ARL15: variants seen among roughly 807,000 people sequenced by gnomAD.
The protein encoded by ARL15 is ADP-ribosylation factor-like protein 15.
Under a neutral mutation model 25.2 loss-of-function variants are expected in ARL15, and 19 were observed. The observed-to-expected ratio is 0.75, with a 90% CI of 0.53 to 1.10. ARL15 has a LOEUF of 1.10. Among genes scored for constraint, ARL15 ranks in the 50% least tolerant of loss-of-function variants. ARL15 has a pLI of 0.00. For missense variants in ARL15, 220 were observed against 246.0 expected, an observed-to-expected ratio of 0.89 and a Z score of 0.71; for synonymous variants, 94 against 86.8, an observed-to-expected ratio of 1.08 and a Z score of -0.46.
intron 4 of ARL15, among the ~76,000 whole-genome samples, chr5:54,021,671 T>A (rs1436809716): frequency 2.0e-5 from 3 of 152,128 alleles, no homozygotes; most frequent in Non-Finnish European, 4.4e-5. Context: ...CACTGAAGTT[T>A]CAGAGGGAAA....
At chr5:54,287,287 A>C (rs1272449952) in intron 1 of ARL15, among the ~76,000 whole-genome samples, 1 of 152,020 alleles carries the variant, frequency 6.6e-6, no homozygotes. Context: ...AGAAAGCGGT[A>C]ATTAAACATA....
intron 4 of ARL15, among the ~76,000 whole-genome samples, chr5:53,983,157 A>G (rs113088001): frequency 0.03 from 4,571 of 152,284 alleles, 91 homozygotes; most frequent in Non-Finnish European, 0.048. Context: ...AACAGCGGTC[A>G]GTTTTTGTTA....
chr5:54,008,755 G>A (rs1035637147), intron 4 of ARL15, among the ~76,000 whole-genome samples: 2 of 152,150 alleles, frequency 1.3e-5, no homozygotes, highest in African/African-American at 4.8e-5. Context: ...CAAAATGTTT[G>A]TAAACTGCTC....
At chr5:54,000,494 G>C (rs1007154187) in intron 4 of ARL15, among the ~76,000 whole-genome samples, 3 of 152,152 alleles carry the variant, frequency 2.0e-5, no homozygotes, top group Admixed American at 6.5e-5. Context: ...AGGAGAGAAT[G>C]ATGTAACAAC....
chr5:53,962,172 T>G (rs1244041768), intron 4 of ARL15, among the ~76,000 whole-genome samples: 1 of 152,166 alleles, frequency 6.6e-6, no homozygotes, highest in Non-Finnish European at 1.5e-5. Flanking sequence ...TTCCCTAACA[T>G]CCTTGGACAA....
At chr5:53,917,984 G>T (rs1356606052) in intron 4 of ARL15, among the ~76,000 whole-genome samples, 6 of 152,056 alleles carry the variant, frequency 3.9e-5, no homozygotes, top group African/African-American at 1.4e-4. Flanking sequence ...GCTCAAAGAG[G>T]CTCTGAATTT....
At position 54,092,615 on chromosome 5, in the gene ARL15, T is replaced by A. The variant is rs142203855; in HGVS notation, c.462+20587A>T. 4.2e-3 allele frequency among the ~76,000 whole-genome samples: 644 copies of A among 152,292 alleles called. 4 individuals carry two copies. Among genetic ancestry groups the A allele is most frequent in the African/African-American group, 0.014 (597 of 41,558 alleles). On this transcript the variant is annotated intron_variant, in intron 4 of 4. Coordinates refer to ENST00000504924, the MANE Select transcript of ARL15 (RefSeq NM_019087.3). ...GATATAGGGGCTATTAACCTTTTAA[T>A]CTTTGCATTATTCCTTAAAGCGTTT...
intron 4 of ARL15, among the ~76,000 whole-genome samples, chr5:53,918,645 G>A (rs1401325638): frequency 6.6e-6 from 1 of 152,032 alleles, no homozygotes; most frequent in Non-Finnish European, 1.5e-5. Context: ...ATTATCCAAG[G>A]TTGACAGTCT....
intron 4 of ARL15, among the ~76,000 whole-genome samples, chr5:53,992,573 G>A (rs1277798864): frequency 1.3e-5 from 2 of 152,172 alleles, no homozygotes; most frequent in African/African-American, 4.8e-5. Flanking sequence ...TATCTGGCAT[G>A]TGATTCCATT....
intron 1 of ARL15, among the ~76,000 whole-genome samples, chr5:54,205,021 A>G (rs983450442): frequency 7.1e-6 from 1 of 140,480 alleles, no homozygotes; most frequent in Non-Finnish European, 1.5e-5. Context: ...TGCAACCTCC[A>G]CCTCCTGGGT....
At chr5:54,075,702 G>T (rs156383) in intron 4 of ARL15, 76,291 of 151,994 alleles carry the variant, frequency 0.5, 21,338 homozygotes, top group Non-Finnish European at 0.62. Flanking sequence ...GGCCAGGCTG[G>T]TCTCGAACTC....
At chr5:54,199,304 A>G (rs1755646111) in intron 1 of ARL15, among the ~76,000 whole-genome samples, 1 of 152,058 alleles carries the variant, frequency 6.6e-6, no homozygotes, top group Non-Finnish European at 1.5e-5. Context: ...AATGGGATAT[A>G]ATTAAACTAA....
intron 4 of ARL15, among the ~76,000 whole-genome samples, chr5:53,887,754 A>G (rs1482051001): frequency 6.6e-6 from 1 of 152,202 alleles, no homozygotes; most frequent in Non-Finnish European, 1.5e-5. Context: ...GTTAAATCTC[A>G]TGTGTCATGA....
chr5:54,028,391 A>G (rs962518080), intron 4 of ARL15, among the ~76,000 whole-genome samples: 8 of 152,084 alleles, frequency 5.3e-5, no homozygotes, highest in African/African-American at 1.9e-4. Flanking sequence ...ACAACCTCAG[A>G]GCCTCAAAAG....
intron 3 of ARL15, among the ~76,000 whole-genome samples, chr5:54,129,146 CTGTT>C (rs1163074821): frequency 6.6e-6 from 1 of 152,150 alleles, no homozygotes; most frequent in African/African-American, 2.4e-5. Flanking sequence ...ACATATATGA[CTGTT>C]TGTATACTAT....
chr5:53,905,956 T>C (rs1745238140), intron 4 of ARL15, among the ~76,000 whole-genome samples: 1 of 152,228 alleles, frequency 6.6e-6, no homozygotes, highest in Non-Finnish European at 1.5e-5. Context: ...ATAGGGTTTG[T>C]AAATTTTAGG....
intron 4 of ARL15, among the ~76,000 whole-genome samples, chr5:53,903,642 C>T (rs1040435716): frequency 1.2e-4 from 19 of 152,242 alleles, no homozygotes; most frequent in African/African-American, 3.4e-4. Flanking sequence ...ATCAGACTCA[C>T]TCCCTGGAAC....
chr5:54,286,206 T>C (rs1056065514), intron 1 of ARL15: 2 of 152,194 alleles, frequency 1.3e-5, no homozygotes, highest in African/African-American at 2.4e-5. Flanking sequence ...TTATAGCTTC[T>C]TCAAATTAGG....
intron 1 of ARL15, among the ~76,000 whole-genome samples, chr5:54,214,599 G>A (rs543880279): frequency 1.6e-4 from 25 of 151,998 alleles, no homozygotes; most frequent in Admixed American, 9.8e-4. Flanking sequence ...CTACTAAGCC[G>A]CATTACACGA....
Sources: gnomAD v4.1 joint callset for allele counts (sites outside exome capture counted in the v4.1 genomes callset) on GRCh38, gnomAD v4.1.1 for gene constraint, MANE v1.5 for transcripts, NCBI Gene and HGNC (gene_info 2026-07-23, HGNC 2026-07-21) for gene names.